FABP5: variants seen among roughly 807,000 people sequenced by gnomAD.
The protein encoded by FABP5 is fatty acid-binding protein 5.
A neutral mutation model predicts 16.9 loss-of-function variants in FABP5; 7 were observed. The ratio of observed to expected loss-of-function variants is 0.41; its 90% CI spans 0.24 to 0.78. FABP5 has a LOEUF of 0.78. Among genes scored for constraint, FABP5 ranks in the 30% least tolerant of loss-of-function variants. FABP5 has a pLI of 0.30. For missense variants in FABP5, 119 were observed against 159.5 expected, an observed-to-expected ratio of 0.75 and a Z score of 1.37; for synonymous variants, 37 against 52.8, an observed-to-expected ratio of 0.70 and a Z score of 1.30.
Position 81,281,218 on chromosome 8 carries a change from G to T in FABP5, c.79+544G>T. 2.0e-6 allele frequency: 1 copy of T among 488,754 alleles called. No homozygotes were observed. The highest frequency in any genetic ancestry group is 2.7e-6 in the Non-Finnish European group (1 of 375,550). The allele number at this position is 488,754 out of a possible 1,614,324, so 30.3% of individuals were successfully genotyped here. A position where few individuals can be genotyped will look rare whatever the true frequency, so the allele number is the denominator to read the frequency against. ...CCTCCGTTTTCTTCATGGGGACGCG[G>T]TGCTGGCGCGCAGTTTCCCGCAGAA... On this transcript the variant is annotated intron_variant, in intron 1 of 3. Transcript: ENST00000297258. This position sits in a 1 kb window ranked among gnomAD's most constrained non-coding sequence, Gnocchi z 4.5.
intron 1 of FABP5, 156 bp downstream of exon 1, chr8:81,280,830 GCGCGCGCAGCACCA>G (rs1807815929): frequency 1.5e-6 from 1 of 666,876 alleles, no homozygotes; most frequent in African/African-American, 1.8e-5. Flanking sequence ...GTTGGGTGCA[GCGCGCGCAGCACCA>G]CGCGGGCAGG....
chr8:81,284,333 A>G, intron 3 of FABP5, 181 bp from the exon 4 acceptor site: 1 of 560,608 alleles, frequency 1.8e-6, no homozygotes, highest in East Asian at 2.8e-5. Context: ...TAAAACATGC[A>G]TATTATAAGC....
In FABP5 at chr8:81,283,921, G is replaced by A. The variant is rs763815393; in HGVS notation, c.301G>A (p.Asp101Asn). 2.5e-6 allele frequency: 4 copies of A among 1,612,832 alleles called. No individual in the cohort carries two copies. The South Asian group carries it at 4.4e-5, about 18-fold the overall frequency. The change falls in exon 3 of 4, where the codon GAT becomes AAT. Residue 101 changes from aspartate to asparagine, a missense_variant. By Grantham distance (23) the Asp-to-Asn change is conservative. Transcript: ENST00000297258. ...DGALVQHQEW[D>N]GKESTITRKL... ...TGCATTGGTTCAGCATCAGGAGTGG[G>A]ATGGGAAGGAAAGCACAATAACAAG...
chr8:81,282,016 A>G (rs1807840521), intron 1 of FABP5, among the ~76,000 whole-genome samples: 1 of 152,118 alleles, frequency 6.6e-6, no homozygotes, highest in Non-Finnish European at 1.5e-5. Flanking sequence ...CCTTTATCCA[A>G]GACCATGTGG....
chr8:81,281,381 C>G lies in FABP5; in HGVS notation c.79+707C>G. The G allele has an allele frequency of 4.1e-6, 4 of 985,706 alleles. No homozygotes were observed. The highest frequency in any genetic ancestry group is 4.8e-6 in the Non-Finnish European group (4 of 830,202). The allele number at this position is 985,706 out of a possible 1,614,324, so 61.1% of individuals were successfully genotyped here. A position where few individuals can be genotyped will look rare whatever the true frequency, so the allele number is the denominator to read the frequency against. On this transcript the variant is annotated intron_variant, in intron 1 of 3. Transcript: ENST00000297258. This position sits in a 1 kb window ranked among gnomAD's most constrained non-coding sequence, Gnocchi z 4.5. ...TGGTACCCCATGGAACACCAGGGCC[C>G]CCGAGAAGCGTGGCGCTGGCGGTGC...
chr8:81,283,022 GT>G (rs1462356719), intron 1 of FABP5: 5 of 188,026 alleles, frequency 2.7e-5, no homozygotes, highest in Admixed American at 1.2e-4. Context: ...GCATAGCATG[GT>G]GGCCAGAGCT....
At chr8:81,283,716 G>A (rs1807869746) in intron 2 of FABP5, among the ~76,000 whole-genome samples, 157 bp from the exon 3 acceptor site, 1 of 152,190 alleles carries the variant, frequency 6.6e-6, no homozygotes. Flanking sequence ...TAGCTACTAG[G>A]TTGAAAACCA....
rs1240459662 is a variant in FABP5 at position 81,284,677 on chromosome 8, A to G, written c.*110A>G. 2 of 603,006 alleles carry G rather than the reference A, an allele frequency of 3.3e-6. No individual in the cohort carries two copies. The highest frequency in any genetic ancestry group is 5.8e-6 in the Non-Finnish European group (2 of 342,596). The allele number at this position is 603,006 out of a possible 1,614,324, so 37.4% of individuals were successfully genotyped here. A position where few individuals can be genotyped will look rare whatever the true frequency, so the allele number is the denominator to read the frequency against. Reference sequence around the variant, plus strand: ...CTTTTTTTTTTCATTACTGTGTTCAATTATCTTTATCATAAACATTTTACA... The same window carrying G: ...CTTTTTTTTTTCATTACTGTGTTCAGTTATCTTTATCATAAACATTTTACA... On this transcript the variant is annotated 3_prime_UTR_variant, in exon 4 of 4. Coordinates refer to ENST00000297258, the MANE Select transcript of FABP5 (RefSeq NM_001444.3).
chr8:81,280,808 C>T (rs1807815521), intron 1 of FABP5, 134 bp downstream of exon 1: 1 of 792,434 alleles, frequency 1.3e-6, no homozygotes, highest in Non-Finnish European at 2.1e-6. Context: ...CCATCTTCCC[C>T]ACCACGCGGC....
At chr8:81,283,822 A>G in intron 2 of FABP5, 51 bp from the exon 3 acceptor site, 1 of 1,459,326 alleles carries the variant, frequency 6.9e-7, no homozygotes, top group African/African-American at 1.4e-5. Flanking sequence ...TGAGTCATGG[A>G]AACTCTTGTA....
intron 1 of FABP5, among the ~76,000 whole-genome samples, chr8:81,282,627 A>C (rs1398138934): frequency 3.3e-5 from 5 of 152,180 alleles, no homozygotes; most frequent in African/African-American, 1.2e-4. Context: ...ATAGATCATA[A>C]ATTAAAATAT....
At chr8:81,283,570 G>C (rs767896003) in intron 2 of FABP5, 32 bp downstream of exon 2, 3 of 1,582,332 alleles carry the variant, frequency 1.9e-6, no homozygotes, top group Non-Finnish European at 1.7e-6. Context: ...AATCACAGAA[G>C]CTTCTAGAAT....
In FABP5 at chr8:81,281,745, G is replaced by T; in HGVS notation, c.79+1071G>T. On this transcript the variant is annotated intron_variant, in intron 1 of 3. Transcript: ENST00000297258. The surrounding 1 kb of genome is among the most constrained non-coding windows in gnomAD (Gnocchi z 4.5). ...TCCTTTTCTATGCCAGTGACAGATT[G>T]CATGCTGATTGAGACACTGGATAAA... 1 of 892,072 alleles carries T rather than the reference G, an allele frequency of 1.1e-6. No homozygotes were observed. Among genetic ancestry groups the T allele is most frequent in the Non-Finnish European group, 1.3e-6 (1 of 744,740 alleles). 55.3% of individuals were successfully genotyped at this position (892,072 alleles called of 1,614,324 possible).
intron 3 of FABP5, 40 bp downstream of exon 3, chr8:81,284,014 T>C: frequency 7.0e-7 from 1 of 1,423,096 alleles, no homozygotes; most frequent in Non-Finnish European, 9.8e-7. Flanking sequence ...GCTTCTTGTG[T>C]GCATTCATAG....
intron 1 of FABP5, 113 bp downstream of exon 1, chr8:81,280,787 C>T (rs1039382478): frequency 3.4e-6 from 3 of 891,552 alleles, no homozygotes; most frequent in Non-Finnish European, 3.5e-6. Flanking sequence ...GCGGCCTACC[C>T]CCATCCCCTC....
chr8:81,283,409 A>G lies in FABP5; in HGVS notation c.123A>G (p.Pro41=), dbSNP rs1329522207. Residue 41 remains proline (P), a synonymous_variant, in exon 2 of 4, where the codon CCA becomes CCG. Transcript: ENST00000297258. ...ALRKMGAMAK[P]DCIITCDGKN... The stretch of plus-strand genomic sequence containing the variant: ...GAAAAATGGGCGCAATGGCCAAGCC[A>G]GATTGTATCATCACTTGTGATGGTA... 6.2e-7 allele frequency: 1 copy of G among 1,609,832 alleles called. No individual in the cohort carries two copies. Among genetic ancestry groups the G allele is most frequent in the East Asian group, 2.2e-5 (1 of 44,854 alleles).
At chr8:81,282,668 T>C (rs1807850458) in intron 1 of FABP5, among the ~76,000 whole-genome samples, 1 of 152,214 alleles carries the variant, frequency 6.6e-6, no homozygotes, top group Non-Finnish European at 1.5e-5. Flanking sequence ...TCTATTGATT[T>C]ATATACCTAT....
At chr8:81,282,167 AGTGTGTGTGTGTGTGTGTGTGT>A (rs10700115) in intron 1 of FABP5, among the ~76,000 whole-genome samples, 1 of 147,692 alleles carries the variant, frequency 6.8e-6, no homozygotes, top group Admixed American at 6.8e-5. Flanking sequence ...AATAAATAAC[AGTGTGTGTGTGTGTGTGTGTGT>A]GTGTGTGTGT....
Position 81,281,606 on chromosome 8 carries a change from G to C in FABP5, c.79+932G>C. 1.0e-6 allele frequency: 1 copy of C among 985,484 alleles called. No homozygotes were observed. The allele number at this position is 985,484 out of a possible 1,614,324, so 61.0% of individuals were successfully genotyped here. A position where few individuals can be genotyped will look rare whatever the true frequency, so the allele number is the denominator to read the frequency against. Reference sequence around the variant, plus strand: ...CCCTCCTGCGGCTAACTGCATGCAAGATGGGTGTGGCCCTGCAGAAGGCAG... The same window carrying C: ...CCCTCCTGCGGCTAACTGCATGCAACATGGGTGTGGCCCTGCAGAAGGCAG... On this transcript the variant is annotated intron_variant, in intron 1 of 3. Transcript: ENST00000297258. The surrounding 1 kb of genome is among the most constrained non-coding windows in gnomAD (Gnocchi z 4.5).
Sources: gnomAD v4.1 joint callset for allele counts (sites outside exome capture counted in the v4.1 genomes callset) on GRCh38, gnomAD v4.1.1 for gene constraint, Gnocchi (gnomAD v3.1) non-coding constraint, MANE v1.5 for transcripts, NCBI Gene and HGNC (gene_info 2026-07-23, HGNC 2026-07-21) for gene names.